Variants in CREB3L2 observed in about 807,000 individuals in gnomAD.
CREB3L2 encodes cAMP responsive element binding protein 3 like 2.
A neutral mutation model predicts 57.2 loss-of-function variants in CREB3L2; 23 were observed. The ratio of observed to expected loss-of-function variants is 0.40; its 90% confidence interval spans 0.29 to 0.57. The LOEUF (loss-of-function observed/expected upper bound fraction) is 0.57, where lower values mean the gene tolerates loss of function less well. CREB3L2 is among the 20% of genes least tolerant of loss of function. CREB3L2 has a pLI of 0.42. For synonymous variants in CREB3L2, 268 were observed against 265.1 expected, an observed-to-expected ratio of 1.01 and a Z score of -0.11; for missense variants, 628 against 634.7, an observed-to-expected ratio of 0.99 and a Z score of 0.11.
At chr7:137,883,254 G>A (rs149175856) in intron 10 of CREB3L2, among the ~76,000 whole-genome samples, 60 of 152,324 alleles carry the variant, frequency 3.9e-4, no homozygotes, top group South Asian at 1.5e-3. Context: ...TATTTAATTG[G>A]AATGCTAGCA....
intron 1 of CREB3L2, chr7:137,955,452 C>A: frequency 4.5e-6 from 2 of 446,814 alleles, no homozygotes; most frequent in Non-Finnish European, 8.5e-6. Flanking sequence ...ACGTCCGGTT[C>A]AGAAATACTC....
intron 2 of CREB3L2, among the ~76,000 whole-genome samples, chr7:137,923,299 A>G (rs1388456939): frequency 6.6e-6 from 1 of 152,300 alleles, no homozygotes; most frequent in East Asian, 1.9e-4. Flanking sequence ...GGGAAACATC[A>G]CTATTGTTTT....
rs1372205327 is a variant in CREB3L2, at chr7:138,001,874, G to C, written c.-169C>G. On this transcript the variant is annotated 5_prime_UTR_variant, in exon 1 of 12. It adds an upstream start codon to the 5' untranslated region. Coordinates refer to ENST00000330387, the MANE Select transcript of CREB3L2 (RefSeq NM_194071.4). This position sits in a 1 kb window ranked among gnomAD's most constrained non-coding sequence, Gnocchi z 4.2. ...ACGTCTGCTCCTCTGCCGGAGAGAG[G>C]ATGGCCAAGCGCTCCCGTCCGGTGT... The C allele has an allele frequency of 1.4e-5, 7 of 496,150 alleles. No individual in the cohort carries two copies. Among genetic ancestry groups the C allele is most frequent in the Non-Finnish European group, 2.5e-5 (7 of 281,018 alleles). 30.7% of individuals were successfully genotyped at this position (496,150 alleles called of 1,614,324 possible).
chr7:137,908,554 C>T (rs1799941406), intron 4 of CREB3L2, 118 bp from the exon 5 acceptor site: 1 of 637,034 alleles, frequency 1.6e-6, no homozygotes, highest in East Asian at 3.4e-5. Context: ...GACAGATCTC[C>T]AAGGTGCAGA....
intron 4 of CREB3L2, among the ~76,000 whole-genome samples, chr7:137,909,093 C>T (rs1799953738): frequency 6.6e-6 from 1 of 152,150 alleles, no homozygotes; most frequent in South Asian, 2.1e-4. Context: ...GAGCGAGAAT[C>T]CATCTCAAAA....
chr7:137,938,177 G>A (rs1800823643), intron 1 of CREB3L2, among the ~76,000 whole-genome samples: 1 of 152,110 alleles, frequency 6.6e-6, no homozygotes, highest in South Asian at 2.1e-4. Flanking sequence ...TGGACTTTGA[G>A]TGATAACAAT....
rs1036771124 is a variant in CREB3L2, at chr7:137,880,013, C to T, written c.*463G>A. 2.4e-5 allele frequency: 6 copies of T among 251,214 alleles called. No individual in the cohort carries two copies. Among genetic ancestry groups the T allele is most frequent in the Non-Finnish European group, 3.9e-5 (5 of 128,870 alleles). The allele number at this position is 251,214 out of a possible 1,614,324, so 15.6% of individuals were successfully genotyped here. A position where few individuals can be genotyped will look rare whatever the true frequency, so the allele number is the denominator to read the frequency against. On this transcript the variant is annotated 3_prime_UTR_variant, in exon 12 of 12. Transcript: ENST00000330387. The surrounding 1 kb of genome is among the most constrained non-coding windows in gnomAD (Gnocchi z 4.0). ...CTGTCGGGGGTGTTCACACCAGAGA[C>T]CCCAGTGCGAGCAACGGAGGACACG...
intron 1 of CREB3L2, among the ~76,000 whole-genome samples, chr7:137,958,574 GATGAGTGATA>G (rs1801261721): frequency 6.6e-6 from 1 of 152,222 alleles, no homozygotes; most frequent in African/African-American, 2.4e-5. Context: ...TGAGATATCT[GATGAGTGATA>G]AGAGTTTTAA....
chr7:137,892,508 G>C lies in CREB3L2; in HGVS notation c.1044-7006C>G, dbSNP rs552603590. Among the ~76,000 whole-genome samples the C allele has an allele frequency of 2.0e-5, 3 of 152,152 alleles. No individual in the cohort carries two copies. In the East Asian group the frequency reaches 5.8e-4, roughly 29 times the overall value. ...TCTACTAAAATATAAAAATTAGCCA[G>C]GGGTGGTGGTGTGTGCCTGTAATCC... On this transcript the variant is annotated intron_variant, in intron 8 of 11. Transcript: ENST00000330387.
chr7:137,921,145 AAGCTGAGATAC>A (rs1338042677), intron 2 of CREB3L2, among the ~76,000 whole-genome samples: 4 of 152,360 alleles, frequency 2.6e-5, no homozygotes, highest in Admixed American at 1.3e-4. Flanking sequence ...CTAAAACTTG[AAGCTGAGATAC>A]CGAGTGGAAA....
At chr7:137,884,779 T>C (rs1799373563) in intron 10 of CREB3L2, 2 of 643,398 alleles carry the variant, frequency 3.1e-6, no homozygotes, top group Non-Finnish European at 5.5e-6. Flanking sequence ...TTGCAAACTG[T>C]GCTCTGTCAA....
intron 1 of CREB3L2, among the ~76,000 whole-genome samples, chr7:137,989,439 T>G (rs1369094796): frequency 2.0e-5 from 3 of 149,918 alleles, no homozygotes; most frequent in African/African-American, 7.4e-5. Context: ...CCAGTTTTTT[T>G]TTTTTTTTTT....
chr7:137,986,536 G>A (rs1325729650), intron 1 of CREB3L2, among the ~76,000 whole-genome samples: 1 of 152,198 alleles, frequency 6.6e-6, no homozygotes, highest in Non-Finnish European at 1.5e-5. Flanking sequence ...CAGGGCTCGG[G>A]GATACTAAAG....
intron 1 of CREB3L2, among the ~76,000 whole-genome samples, chr7:137,979,754 A>G (rs1391191973): frequency 1.3e-5 from 2 of 152,068 alleles, no homozygotes; most frequent in Non-Finnish European, 2.9e-5. Context: ...AACAACAACA[A>G]CAACAACAAC....
chr7:137,910,566 A>G (rs373705712), intron 4 of CREB3L2, among the ~76,000 whole-genome samples: 10 of 152,110 alleles, frequency 6.6e-5, no homozygotes, highest in Admixed American at 6.6e-4. Flanking sequence ...TTTAAAAACA[A>G]AAAAACAAAC....
At chr7:137,969,758 TCAAA>T (rs1801473354) in intron 1 of CREB3L2, among the ~76,000 whole-genome samples, 1 of 70,504 alleles carries the variant, frequency 1.4e-5, no homozygotes, top group South Asian at 3.7e-4. Flanking sequence ...TCAAGGGTCA[TCAAA>T]CACACACACA....
At chr7:137,940,729 G>A (rs1800868552) in intron 1 of CREB3L2, among the ~76,000 whole-genome samples, 1 of 152,196 alleles carries the variant, frequency 6.6e-6, no homozygotes, top group Admixed American at 6.5e-5. Flanking sequence ...ACACTAACGG[G>A]CGATGAAGTT....
At chr7:137,985,407 G>A (rs894020876) in intron 1 of CREB3L2, among the ~76,000 whole-genome samples, 19 of 152,128 alleles carry the variant, frequency 1.2e-4, no homozygotes, top group Non-Finnish European at 1.0e-4. Context: ...TGCAGTGTAT[G>A]GACAGCATTC....
intron 2 of CREB3L2, among the ~76,000 whole-genome samples, chr7:137,916,806 G>A (rs1319368988): frequency 6.6e-6 from 1 of 152,044 alleles, no homozygotes; most frequent in African/African-American, 2.4e-5. Flanking sequence ...GAGCGAGAGC[G>A]AGTGACAGCG....
Sources: gnomAD v4.1 joint callset for allele counts (sites outside exome capture counted in the v4.1 genomes callset) on GRCh38, gnomAD v4.1.1 for gene constraint, Gnocchi (gnomAD v3.1) non-coding constraint, MANE v1.5 for transcripts, NCBI Gene and HGNC (gene_info 2026-07-23, HGNC 2026-07-21) for gene names.